COL5A2: variants seen among roughly 807,000 people sequenced by gnomAD.
COL5A2 encodes the protein collagen alpha-2(V) chain.
A neutral mutation model predicts 208.2 loss-of-function variants in COL5A2; 23 were observed. The ratio of observed to expected loss-of-function variants is 0.11; its 90% CI spans 0.08 to 0.16. The LOEUF is 0.16. Ranked by LOEUF, COL5A2 falls within the 10% of genes least tolerant of loss-of-function variation. The probability of loss-of-function intolerance (pLI) is 1.00; values close to 1 mark genes in which losing one functional copy is unlikely to be tolerated. For synonymous variants in COL5A2, 625 were observed against 628.5 expected (o/e 0.99, Z 0.08); for missense variants, 1,590 against 1,956.4 (o/e 0.81, Z 3.53).
At chr2:189,228,369 T>C (rs920043524), upstream of COL5A2, among the ~76,000 whole-genome samples, 2 of 151,680 alleles carry the variant, frequency 1.3e-5, no homozygotes, top group Admixed American at 6.6e-5. Context: ...ACAAAATTAA[T>C]TGGCCTTTTG....
At chr2:189,329,931 G>T in the COL5A2 span, among the ~76,000 whole-genome samples, 1 of 150,812 alleles carries the variant, frequency 6.6e-6, no homozygotes, top group Non-Finnish European at 1.5e-5. Flanking sequence ...ATTTATGAGC[G>T]GTAAGAGAGA....
the COL5A2 span, among the ~76,000 whole-genome samples, chr2:189,380,934 A>T: frequency 1.3e-5 from 2 of 152,036 alleles, no homozygotes; most frequent in African/African-American, 4.8e-5. Flanking sequence ...TCAGCCATCA[A>T]ATATGTGAAT....
Position 189,051,875 on chromosome 2 carries a change from T to C in COL5A2, c.2769+297A>G, listed in dbSNP as rs938629235. 3.0e-4 allele frequency among the ~76,000 whole-genome samples: 46 copies of C among 152,192 alleles called. 2 individuals carry two copies. The highest frequency in any genetic ancestry group is 2.1e-4 in the South Asian group (1 of 4,828). ...TATTAAAGAAAGTTTCATAGTTGCA[T>C]CTTAACTGAAGAGAATGATTATTAG... On this transcript the variant is annotated intron_variant, in intron 41 of 53. Transcript: ENST00000374866.
chr2:189,356,943 G>A, the COL5A2 span, among the ~76,000 whole-genome samples: 1 of 152,128 alleles, frequency 6.6e-6, no homozygotes, highest in African/African-American at 2.4e-5. Context: ...TTTTGTTGAT[G>A]TTGATGCTAT....
chr2:189,329,663 AATAAG>A, the COL5A2 span, among the ~76,000 whole-genome samples: 2 of 152,196 alleles, frequency 1.3e-5, no homozygotes, highest in Non-Finnish European at 2.9e-5. Flanking sequence ...AACATTAAAA[AATAAG>A]ATAAAATAGA....
the COL5A2 span, among the ~76,000 whole-genome samples, chr2:189,384,158 T>G: frequency 6.6e-6 from 1 of 152,180 alleles, no homozygotes; most frequent in Non-Finnish European, 1.5e-5. Flanking sequence ...CTTCATCCAC[T>G]GACGGGCACT....
intron 35 of COL5A2, among the ~76,000 whole-genome samples, chr2:189,056,225 CAACT>C (rs1685897669): frequency 6.6e-6 from 1 of 152,162 alleles, no homozygotes; most frequent in African/African-American, 2.4e-5. Context: ...GCACACATGA[CAACT>C]AACAGCAAAC....
chr2:189,284,200 A>C, the COL5A2 span, among the ~76,000 whole-genome samples: 1 of 152,156 alleles, frequency 6.6e-6, no homozygotes, highest in South Asian at 2.1e-4. Context: ...TTTTAATTCT[A>C]ATTTTAATTA....
At chr2:189,315,320 C>A in the COL5A2 span, among the ~76,000 whole-genome samples, 1 of 152,186 alleles carries the variant, frequency 6.6e-6, no homozygotes, top group East Asian at 1.9e-4. Context: ...ATAAACAGAA[C>A]TGAAGGCAAA....
intron 1 of COL5A2, among the ~76,000 whole-genome samples, chr2:189,155,426 T>C (rs910869108): frequency 6.6e-6 from 1 of 152,198 alleles, no homozygotes; most frequent in Non-Finnish European, 1.5e-5. Context: ...GAATCCACTC[T>C]GTGTGAAGTA....
Position 189,054,175 on chromosome 2 carries a change from C to A in COL5A2, c.2429G>T (p.Gly810Val), listed in dbSNP as rs1685852326. ...GTGACTTACCTTTTCTCCAGTAGGA[C>A]CTGCCGGACCTGGAGGGCCCAAAGG... The part of the protein sequence containing the change: ...PGPLGPPGPA[G>V]PTGEKGEPGP... The change falls in exon 36 of 54, where the codon GGT becomes GTT. Residue 810 changes from glycine (G) to valine (V), a missense_variant. Transcript: ENST00000374866. 2.5e-6 allele frequency: 4 copies of A among 1,613,952 alleles called. No individual in the cohort carries two copies. The highest frequency in any genetic ancestry group is 3.3e-5 in the Admixed American group (2 of 60,008).
At chr2:189,302,863 C>G in the COL5A2 span, among the ~76,000 whole-genome samples, 5 of 152,092 alleles carry the variant, frequency 3.3e-5, no homozygotes, top group African/African-American at 1.2e-4. Context: ...TCAAGGAACT[C>G]TTACTTTACT....
chr2:189,386,400 C>A, the COL5A2 span, among the ~76,000 whole-genome samples: 1 of 151,888 alleles, frequency 6.6e-6, no homozygotes, highest in Non-Finnish European at 1.5e-5. Flanking sequence ...TAGGAAATAC[C>A]CTTCTTGATA....
At chr2:189,097,675 C>A (rs1158383151) in intron 5 of COL5A2, 1 of 500,642 alleles carries the variant, frequency 2.0e-6, no homozygotes, top group South Asian at 1.5e-5. Context: ...AAACTCTGAG[C>A]ACAAAAACTT....
At chr2:189,334,035 G>T in the COL5A2 span, among the ~76,000 whole-genome samples, 20 of 150,092 alleles carry the variant, frequency 1.3e-4, no homozygotes, top group African/African-American at 4.8e-4. Context: ...AATCTCAATA[G>T]ATTTTTTAAA....
Position 189,063,877 on chromosome 2 carries a change from C to T in COL5A2, c.1770+103G>A, listed in dbSNP as rs1576502736. 1.0e-5 allele frequency: 9 copies of T among 893,488 alleles called. No homozygotes were observed. The South Asian group carries it at 1.0e-4, about 10-fold the overall frequency. 55.3% of individuals were successfully genotyped at this position (893,488 alleles called of 1,614,324 possible). A position where few individuals can be genotyped will look rare whatever the true frequency, so the allele number is the denominator to read the frequency against. ...GTTGGTACAAATATGTCAATATGAC[C>T]AGCATCCATATAATCAAAAACATTA... On this transcript the variant is annotated intron_variant, in intron 26 of 53. Transcript: ENST00000374866.
At chr2:189,082,804 G>T (rs1006637942) in intron 12 of COL5A2, among the ~76,000 whole-genome samples, 1 of 152,178 alleles carries the variant, frequency 6.6e-6, no homozygotes, top group African/African-American at 2.4e-5. Context: ...GAGCAAGAGT[G>T]CAGCAGGACA....
chr2:189,042,710 TG>T lies in COL5A2; in HGVS notation c.3525+9del, dbSNP rs1279747855. 6 of 1,606,012 alleles carry T rather than the reference TG, an allele frequency of 3.7e-6. No homozygotes were observed. The African/African-American group carries it at 8.0e-5, about 21-fold the overall frequency. On this transcript the variant is annotated intron_variant, in intron 49 of 53. Transcript: ENST00000374866. ...TTTACACCTGCAACTTACTACTTTT[TG>T]TTACTTACTCTTGGGCCAAATGGTC...
At chr2:189,222,787 A>G (rs1325451375) in intron 1 of COL5A2, among the ~76,000 whole-genome samples, 1 of 152,182 alleles carries the variant, frequency 6.6e-6, no homozygotes. Context: ...ACTAATGCCC[A>G]GTAGAAAGCC....
Sources: allele counts gnomAD v4.1 joint callset (sites outside exome capture counted in the v4.1 genomes callset), GRCh38; gene constraint gnomAD v4.1.1; transcripts MANE v1.5; gene names NCBI Gene and HGNC (gene_info 2026-07-23, HGNC 2026-07-21).